TBC1D5: variants seen among roughly 807,000 people sequenced by gnomAD.
TBC1D5 encodes TBC1 domain family member 5.
A neutral mutation model predicts 100.3 loss-of-function variants in TBC1D5; 75 were observed. That is an observed-to-expected ratio of 0.75 (90% CI 0.62 to 0.91). The LOEUF (loss-of-function observed/expected upper bound fraction) is 0.91. Ranked by LOEUF, TBC1D5 falls within the 40% of genes least tolerant of loss-of-function variation. The pLI, the probability that TBC1D5 is intolerant of heterozygous loss-of-function variation, is 0.00. For synonymous variants in TBC1D5, 323 were observed against 325.6 expected (o/e 0.99, Z 0.09); for missense variants, 910 against 942.4 (o/e 0.97, Z 0.45).
intron 1 of TBC1D5, among the ~76,000 whole-genome samples, chr3:17,717,129 T>C (rs1056573571): frequency 3.3e-5 from 5 of 152,062 alleles, no homozygotes; most frequent in African/African-American, 9.7e-5. Context: ...CAGTAAACAG[T>C]ACAAGTAAAA....
intron 13 of TBC1D5, among the ~76,000 whole-genome samples, chr3:17,366,107 T>C (rs954241690): frequency 1.3e-5 from 2 of 152,046 alleles, no homozygotes; most frequent in African/African-American, 2.4e-5. Flanking sequence ...CTGGGCAACA[T>C]AGTGAAACCT....
At chr3:17,401,492 G>C (rs2093651110) in intron 8 of TBC1D5, among the ~76,000 whole-genome samples, 2 of 151,850 alleles carry the variant, frequency 1.3e-5, no homozygotes, top group South Asian at 4.1e-4. Context: ...ACATAACAAA[G>C]CAGAAATGTT....
At chr3:17,258,441 A>C in intron 16 of TBC1D5, 65 bp downstream of exon 16, 1 of 1,491,644 alleles carries the variant, frequency 6.7e-7, no homozygotes, top group Non-Finnish European at 9.2e-7. Flanking sequence ...AATATGTAAA[A>C]TTTCCTGATG....
At chr3:17,647,714 A>G (rs940564741) in intron 1 of TBC1D5, among the ~76,000 whole-genome samples, 1 of 152,182 alleles carries the variant, frequency 6.6e-6, no homozygotes, top group African/African-American at 2.4e-5. Context: ...TCTTAAGCCC[A>G]TCGTAAACTT....
intron 17 of TBC1D5, among the ~76,000 whole-genome samples, chr3:17,228,659 C>T (rs924531819): frequency 4.6e-5 from 7 of 152,016 alleles, no homozygotes; most frequent in Admixed American, 2.6e-4. Flanking sequence ...AGTCATGTGC[C>T]CTGGTGTGAG....
chr3:17,740,629 A>T (rs1282336094), exon 1 of TBC1D5: 9 of 152,144 alleles, frequency 5.9e-5, no homozygotes, highest in Admixed American at 3.9e-4. Context: ...ATTAGAAAAA[A>T]CCTGAATCCA....
At position 17,484,455 on chromosome 3, in the gene TBC1D5, G is replaced by GGTGTGTGTGTGT. The variant is rs34847216; in HGVS notation, c.97+24007_97+24018dup. On this transcript the variant is annotated intron_variant, in intron 3 of 21. Transcript: ENST00000253692. Reference sequence around the variant, plus strand: ...TTTAAAGATAATAAGGTAACACCAGGGTGTGTGTGTGTGTGTGTGTGTGTG... The same window carrying GGTGTGTGTGTGT: ...TTTAAAGATAATAAGGTAACACCAGGGTGTGTGTGTGTGTGTGTGTGTGTGTGTGTGTGTGTG... Among the ~76,000 whole-genome samples the GGTGTGTGTGTGT allele has an allele frequency of 3.7e-4, 41 of 111,544 alleles. 3 individuals carry two copies. Among genetic ancestry groups the GGTGTGTGTGTGT allele is most frequent in the African/African-American group, 1.4e-3 (36 of 24,996 alleles). The allele number at this position is 111,544 out of a possible 152,430, so 73.2% of individuals were successfully genotyped here.
chr3:17,409,600 T>C (rs2093867275), intron 4 of TBC1D5, among the ~76,000 whole-genome samples: 1 of 151,756 alleles, frequency 6.6e-6, no homozygotes, highest in Non-Finnish European at 1.5e-5. Context: ...AAAAAAAAAG[T>C]TCTTGAAGGA....
exon 1 of TBC1D5, chr3:17,740,017 CA>C (rs1280178684): frequency 0.011 from 1,546 of 138,328 alleles, 24 homozygotes; most frequent in African/African-American, 0.036. Flanking sequence ...AAACAAAAAA[CA>C]AAAAAAAAAA....
At chr3:17,403,599 A>G (rs1255166003) in intron 7 of TBC1D5, among the ~76,000 whole-genome samples, 2 of 152,128 alleles carry the variant, frequency 1.3e-5, no homozygotes, top group Non-Finnish European at 2.9e-5. Context: ...ACAGCACAGT[A>G]TAACAACTTT....
chr3:17,587,284 T>C (rs894538570), intron 2 of TBC1D5, among the ~76,000 whole-genome samples: 1 of 152,044 alleles, frequency 6.6e-6, no homozygotes, highest in Non-Finnish European at 1.5e-5. Context: ...GAACATATTA[T>C]CAACTTCCCC....
chr3:17,314,251 A>G (rs2084393493), intron 13 of TBC1D5, among the ~76,000 whole-genome samples: 2 of 152,078 alleles, frequency 1.3e-5, no homozygotes, highest in Admixed American at 1.3e-4. Flanking sequence ...AAAAATGTTT[A>G]TTTAATTAAT....
intron 1 of TBC1D5, among the ~76,000 whole-genome samples, chr3:17,703,286 GA>G (rs928217592): frequency 7.8e-5 from 11 of 141,218 alleles, no homozygotes; most frequent in Admixed American, 2.1e-4. Context: ...TTTCTGTGGA[GA>G]AAAAAAAAAG....
chr3:17,462,530 A>C (rs1313290026), intron 3 of TBC1D5, among the ~76,000 whole-genome samples: 1 of 152,062 alleles, frequency 6.6e-6, no homozygotes, highest in Non-Finnish European at 1.5e-5. Flanking sequence ...TATGTTGCCC[A>C]GGCTGGTCTT....
chr3:17,477,740 T>C (rs910114127), intron 3 of TBC1D5, among the ~76,000 whole-genome samples: 7 of 152,062 alleles, frequency 4.6e-5, no homozygotes, highest in Admixed American at 2.0e-4. Context: ...GCAATGTGTA[T>C]ACACATTACC....
At chr3:17,742,170 G>A (rs978153556), upstream of TBC1D5, among the ~76,000 whole-genome samples, 4 of 151,870 alleles carry the variant, frequency 2.6e-5, no homozygotes, top group African/African-American at 7.2e-5. Context: ...AGCTCGCCCT[G>A]CCCGCCCTGC....
chr3:17,362,048 G>T, intron 13 of TBC1D5, among the ~76,000 whole-genome samples: 1 of 152,020 alleles, frequency 6.6e-6, no homozygotes, highest in East Asian at 1.9e-4. Context: ...TGGAGAAAGG[G>T]TAGTCTTTCC....
intron 8 of TBC1D5, among the ~76,000 whole-genome samples, chr3:17,400,684 C>T (rs2093622930): frequency 6.6e-6 from 1 of 152,036 alleles, no homozygotes; most frequent in Admixed American, 6.6e-5. Flanking sequence ...AGAGGCAGCC[C>T]CATCCTCACT....
intron 1 of TBC1D5, among the ~76,000 whole-genome samples, chr3:17,700,612 A>G (rs1213800426): frequency 6.6e-5 from 10 of 152,276 alleles, no homozygotes; most frequent in African/African-American, 2.4e-4. Context: ...GAATCTACAA[A>G]GAACTCAAAC....
Sources: gnomAD v4.1 joint callset for allele counts (sites outside exome capture counted in the v4.1 genomes callset) on GRCh38, gnomAD v4.1.1 for gene constraint, MANE v1.5 for transcripts, NCBI Gene and HGNC (gene_info 2026-07-23, HGNC 2026-07-21) for gene names.